TLN2: variants seen among roughly 807,000 people sequenced by gnomAD.
TLN2 encodes the protein talin 2, also known as talin-2.
Under a neutral mutation model 294.7 loss-of-function variants are expected in TLN2, and 118 were observed. That is an observed-to-expected ratio of 0.40 (90% CI 0.34 to 0.47). The LOEUF (loss-of-function observed/expected upper bound fraction) is 0.47. Among genes scored for constraint, TLN2 ranks in the 20% least tolerant of loss-of-function variants. The pLI is 0.84. For synonymous variants in TLN2, 1,431 were observed against 1,304.5 expected, an observed-to-expected ratio of 1.10 and a Z score of -2.09; for missense variants, 3,083 against 3,282.2, an observed-to-expected ratio of 0.94 and a Z score of 1.48.
intron 1 of TLN2, among the ~76,000 whole-genome samples, chr15:62,413,195 A>G (rs529353283): frequency 6.6e-6 from 1 of 152,314 alleles, no homozygotes; most frequent in African/African-American, 2.4e-5. Context: ...TGGCCTTGGA[A>G]GACTCTTTAG....
chr15:62,733,171 G>A (rs555941460), intron 28 of TLN2, among the ~76,000 whole-genome samples: 3 of 152,342 alleles, frequency 2.0e-5, no homozygotes, highest in African/African-American at 7.2e-5. Context: ...AGAACATGGA[G>A]CTGTGGAGAG....
Position 62,414,876 on chromosome 15 carries a change from C to G in TLN2, c.-238+24191C>G, listed in dbSNP as rs2033987691. On this transcript the variant is annotated intron_variant, in intron 1 of 58. Coordinates refer to ENST00000636159, the MANE Select transcript of TLN2 (RefSeq NM_015059.3). The stretch of plus-strand genomic sequence containing the variant: ...AGGAGGAGTAAATAAAAGAATTTTT[C>G]CTGTCAAGCATGCCTTTTAAAATTT... Among the ~76,000 whole-genome samples, 2 of 140,750 alleles carry G rather than the reference C, an allele frequency of 1.4e-5. 1 individual carries two copies. The highest frequency in any genetic ancestry group is 3.0e-5 in the Non-Finnish European group (2 of 65,838). The allele number at this position is 140,750 out of a possible 152,430, so 92.3% of individuals were successfully genotyped here.
At chr15:62,509,726 G>A (rs768251865) in intron 1 of TLN2, among the ~76,000 whole-genome samples, 2 of 152,134 alleles carry the variant, frequency 1.3e-5, no homozygotes, top group Admixed American at 6.5e-5. Flanking sequence ...ATGGCCATCC[G>A]TGCGCCTCCT....
chr15:62,529,536 A>AT (rs1009538101), intron 1 of TLN2, among the ~76,000 whole-genome samples: 21 of 125,946 alleles, frequency 1.7e-4, no homozygotes, highest in East Asian at 6.7e-4. Flanking sequence ...TGTTTTTTTT[A>AT]TTTTTTTTCT....
At chr15:62,440,863 A>C (rs1346612199) in intron 1 of TLN2, among the ~76,000 whole-genome samples, 1 of 152,208 alleles carries the variant, frequency 6.6e-6, no homozygotes, top group African/African-American at 2.4e-5. Context: ...AAATACTGAA[A>C]GCACGAATGA....
chr15:62,711,666 C>G (rs1439542546), intron 21 of TLN2, among the ~76,000 whole-genome samples: 1 of 152,206 alleles, frequency 6.6e-6, no homozygotes, highest in East Asian at 1.9e-4. Flanking sequence ...TGCTTCTGTT[C>G]TGATTATGCC....
chr15:62,429,462 C>T (rs916870626), intron 1 of TLN2, among the ~76,000 whole-genome samples: 4 of 152,130 alleles, frequency 2.6e-5, no homozygotes, highest in Non-Finnish European at 5.9e-5. Context: ...TCTCCCCACC[C>T]GACTTGAGAC....
At chr15:62,787,199 T>C (rs1323830462) in intron 45 of TLN2, among the ~76,000 whole-genome samples, 3 of 152,222 alleles carry the variant, frequency 2.0e-5, no homozygotes, top group Non-Finnish European at 2.9e-5. Flanking sequence ...CCAGCCACTT[T>C]TTTCTTCCAT....
chr15:62,707,081 C>A lies in TLN2; in HGVS notation c.2005-5C>A, dbSNP rs1424982427. ...AATGAATAGTCTTTGATTCCCTTTT[C>A]TTAGGATGTTTTAATGAGTTTGGCC... On this transcript the variant is annotated splice_region_variant and splice_polypyrimidine_tract_variant and intron_variant, in intron 19 of 58. Transcript: ENST00000636159. 1 of 1,603,346 alleles carries A rather than the reference C, an allele frequency of 6.2e-7. No individual in the cohort carries two copies. The highest frequency in any genetic ancestry group is 1.7e-5 in the Admixed American group (1 of 59,418).
intron 9 of TLN2, among the ~76,000 whole-genome samples, chr15:62,669,480 T>C (rs981790695): frequency 1.3e-5 from 2 of 152,242 alleles, no homozygotes; most frequent in African/African-American, 4.8e-5. Context: ...GAAAGGGCCA[T>C]GCTTAAAAGG....
chr15:62,707,889 T>C (rs887509636), intron 20 of TLN2, among the ~76,000 whole-genome samples: 1 of 152,152 alleles, frequency 6.6e-6, no homozygotes, highest in South Asian at 2.1e-4. Context: ...TCGGTGATGA[T>C]GCAGCAGAAG....
intron 37 of TLN2, among the ~76,000 whole-genome samples, chr15:62,756,501 A>G (rs7179385): frequency 0.62 from 93,723 of 151,978 alleles, 29,474 homozygotes; most frequent in Non-Finnish European, 0.69. Flanking sequence ...AGCTCCCTCC[A>G]CAGCCCCAGC....
At chr15:62,696,807 C>G (rs184125574) in intron 14 of TLN2, among the ~76,000 whole-genome samples, 22 of 152,188 alleles carry the variant, frequency 1.4e-4, no homozygotes, top group Non-Finnish European at 2.8e-4. Context: ...TCCAAAGCCT[C>G]ACATGGTTGA....
At chr15:62,721,604 ATTAAAAGTC>A (rs2060154211) in intron 25 of TLN2, among the ~76,000 whole-genome samples, 1 of 152,146 alleles carries the variant, frequency 6.6e-6, no homozygotes, top group Non-Finnish European at 1.5e-5. Flanking sequence ...TAACATATAT[ATTAAAAGTC>A]TTAAAAGTAT....
chr15:62,665,358 A>AT (rs756609548), intron 9 of TLN2, among the ~76,000 whole-genome samples: 2 of 152,146 alleles, frequency 1.3e-5, no homozygotes, highest in African/African-American at 4.8e-5. Context: ...CTCACTTAAC[A>AT]TTTTTTTAAA....
At chr15:62,588,113 C>A (rs1489050139) in intron 1 of TLN2, among the ~76,000 whole-genome samples, 2 of 152,076 alleles carry the variant, frequency 1.3e-5, no homozygotes, top group Non-Finnish European at 2.9e-5. Context: ...ATATCCTGAC[C>A]TCGTGATCTG....
intron 1 of TLN2, among the ~76,000 whole-genome samples, chr15:62,525,286 G>T (rs1313704392): frequency 1.3e-5 from 2 of 152,210 alleles, no homozygotes; most frequent in African/African-American, 2.4e-5. Flanking sequence ...AAATGAGGGT[G>T]ATGTGTAAAA....
chr15:62,677,590 T>C (rs2056357860), intron 11 of TLN2, among the ~76,000 whole-genome samples: 1 of 152,202 alleles, frequency 6.6e-6, no homozygotes, highest in African/African-American at 2.4e-5. Flanking sequence ...CTTCTCATTA[T>C]AGCAGGGTCT....
rs1048887715 is a variant in TLN2, at chr15:62,707,123, C to T, written c.2042C>T (p.Ala681Val). Residue 681 changes from alanine (A) to valine (V), a missense_variant, in exon 20 of 59, where the codon GCA becomes GTA. Coordinates refer to ENST00000636159, the MANE Select transcript of TLN2 (RefSeq NM_015059.3). ...AGTTTGGCCAAAGCTGTTGCCAATG[C>T]AGCTGCCATGTTGGTACTAAAGGCA... The part of the protein sequence containing the change: ...LMSLAKAVAN[A>V]AAMLVLKAKN... 5 of 1,613,832 alleles carry T rather than the reference C, an allele frequency of 3.1e-6. No individual in the cohort carries two copies. Among genetic ancestry groups the T allele is most frequent in the Non-Finnish European group, 4.2e-6 (5 of 1,179,912 alleles).
Sources: gnomAD v4.1 joint callset for allele counts (sites outside exome capture counted in the v4.1 genomes callset) on GRCh38, gnomAD v4.1.1 for gene constraint, MANE v1.5 for transcripts, NCBI Gene and HGNC (gene_info 2026-07-23, HGNC 2026-07-21) for gene names.